PTPRS: variants seen among roughly 807,000 people sequenced by gnomAD.
PTPRS encodes protein tyrosine phosphatase receptor type S, also known as receptor-type tyrosine-protein phosphatase S.
A neutral mutation model predicts 215.3 loss-of-function variants in PTPRS; 63 were observed. The observed-to-expected ratio is 0.29, with a 90% confidence interval of 0.24 to 0.36. The LOEUF is 0.36. PTPRS is among the 10% of genes least tolerant of loss of function. PTPRS has a pLI of 1.00. For synonymous variants in PTPRS, 1,404 were observed against 1,191.4 expected (o/e 1.18, Z -3.68); for missense variants, 2,258 against 2,825.8 (o/e 0.80, Z 4.56).
intron 1 of PTPRS, among the ~76,000 whole-genome samples, chr19:5,335,274 T>C (rs2050458424): frequency 6.6e-6 from 1 of 152,176 alleles, no homozygotes; most frequent in African/African-American, 2.4e-5. Flanking sequence ...GAGGCATGTT[T>C]ACCCACAGCA....
chr19:5,254,510 G>A (rs2045403945), intron 9 of PTPRS, among the ~76,000 whole-genome samples: 1 of 152,102 alleles, frequency 6.6e-6, no homozygotes, highest in Non-Finnish European at 1.5e-5. Context: ...GTGCATCTCT[G>A]AAGATTTGCA....
chr19:5,212,285 TGGGCTGCG>T (rs775756402), intron 31 of PTPRS, 35 bp from the exon 32 acceptor site: 39 of 1,608,460 alleles, frequency 2.4e-5, no homozygotes, highest in Admixed American at 5.0e-5. Flanking sequence ...CAGGGGCTGC[TGGGCTGCG>T]GGGACCGGGG....
chr19:5,219,178 CCT>C, intron 23 of PTPRS, 130 bp downstream of exon 23: 2 of 1,261,538 alleles, frequency 1.6e-6, no homozygotes, highest in South Asian at 1.4e-5. Context: ...AGTGGCTTAA[CCT>C]CTCTGAACTT....
At chr19:5,340,452 C>T (rs913086181) in intron 1 of PTPRS, among the ~76,000 whole-genome samples, 5 of 150,788 alleles carry the variant, frequency 3.3e-5, no homozygotes, top group Admixed American at 6.6e-5. Flanking sequence ...CCGGCCCTGT[C>T]CCTCGGGGCA....
chr19:5,253,920 T>G (rs1387352038), intron 9 of PTPRS, among the ~76,000 whole-genome samples: 1 of 152,204 alleles, frequency 6.6e-6, no homozygotes, highest in Non-Finnish European at 1.5e-5. Context: ...AAGGTTCATT[T>G]ATGATCTCTA....
chr19:5,240,302 T>TCGGCCC lies in PTPRS; in HGVS notation c.1595_1600dup (p.Ala533_Glu534insGlyAla). 6.2e-7 allele frequency: 1 copy of TCGGCCC among 1,604,304 alleles called. No individual in the cohort carries two copies. The highest frequency in any genetic ancestry group is 2.3e-5 in the East Asian group (1 of 44,228). On this transcript the variant is annotated inframe_insertion, in exon 12 of 38. Coordinates refer to ENST00000262963, the MANE Select transcript of PTPRS (RefSeq NM_002850.4). ...CGTGATGCTGGTCTCCGACCTGGCC[T>TCGGCCC]CGGCCCGCAGGTTCATGGGCTGGCC...
At chr19:5,333,503 TCACA>T (rs35443727) in intron 1 of PTPRS, among the ~76,000 whole-genome samples, 2 of 147,722 alleles carry the variant, frequency 1.4e-5, no homozygotes, top group Non-Finnish European at 1.5e-5. Flanking sequence ...GTGAGTCCTG[TCACA>T]CACACACACA....
At chr19:5,260,271 C>T (rs1446559357) in intron 7 of PTPRS, among the ~76,000 whole-genome samples, 2 of 151,594 alleles carry the variant, frequency 1.3e-5, no homozygotes, top group Non-Finnish European at 2.9e-5. Context: ...CCTCTGCCTC[C>T]CAGGTTCAAG....
intron 1 of PTPRS, among the ~76,000 whole-genome samples, chr19:5,335,547 G>C (rs1010435330): frequency 1.3e-5 from 2 of 152,164 alleles, no homozygotes; most frequent in Admixed American, 1.3e-4. Flanking sequence ...GGGAGAAAAA[G>C]GGGAATTTTC....
chr19:5,222,499 G>C (rs940408712), intron 18 of PTPRS, among the ~76,000 whole-genome samples, 190 bp downstream of exon 18: 1 of 151,792 alleles, frequency 6.6e-6, no homozygotes, highest in Non-Finnish European at 1.5e-5. Flanking sequence ...CAGTGGTGGG[G>C]GGCGGTGGTG....
chr19:5,239,202 A>C, intron 12 of PTPRS, 139 bp from the exon 13 acceptor site: 3 of 634,452 alleles, frequency 4.7e-6, no homozygotes, highest in East Asian at 3.1e-5. Flanking sequence ...AGAAATAGAG[A>C]CAGGGGTGCG....
At chr19:5,336,032 G>A (rs975793814) in intron 1 of PTPRS, among the ~76,000 whole-genome samples, 1 of 151,348 alleles carries the variant, frequency 6.6e-6, no homozygotes, top group Admixed American at 6.6e-5. Context: ...AAAAAAAAGA[G>A]AGAGACAAAA....
intron 2 of PTPRS, among the ~76,000 whole-genome samples, chr19:5,284,265 C>A (rs548989215): frequency 2.0e-5 from 3 of 151,836 alleles, no homozygotes; most frequent in Non-Finnish European, 2.9e-5. Flanking sequence ...GAGGCTGAGG[C>A]AGGAGGATCG....
At chr19:5,250,422 G>A (rs1473071046) in intron 9 of PTPRS, among the ~76,000 whole-genome samples, 1 of 152,192 alleles carries the variant, frequency 6.6e-6, no homozygotes, top group African/African-American at 2.4e-5. Context: ...CAAGCTTGAG[G>A]TGCAGGTTAG....
At chr19:5,326,973 A>T (rs1265851199) in intron 1 of PTPRS, among the ~76,000 whole-genome samples, 3 of 152,152 alleles carry the variant, frequency 2.0e-5, no homozygotes, top group Non-Finnish European at 4.4e-5. Context: ...AGACCTAGAG[A>T]GTCACAACTG....
In PTPRS at chr19:5,247,500, G is replaced by A. The variant is rs188340125; in HGVS notation, c.719-1455C>T. 6.6e-3 allele frequency among the ~76,000 whole-genome samples: 1,007 copies of A among 152,268 alleles called. 3 individuals are homozygous for A. The highest frequency in any genetic ancestry group is 0.011 in the Non-Finnish European group (768 of 68,018). On this transcript the variant is annotated intron_variant, in intron 9 of 37. Coordinates refer to ENST00000262963, the MANE Select transcript of PTPRS (RefSeq NM_002850.4). ...GTGAACCTAATAAATCCTTCTAGCA[G>A]GAAAAGGGGTTGTCCCTGGGTGACA...
intron 8 of PTPRS, among the ~76,000 whole-genome samples, chr19:5,256,714 C>T (rs1349694734): frequency 1.3e-5 from 2 of 152,296 alleles, no homozygotes; most frequent in Non-Finnish European, 2.9e-5. Flanking sequence ...AGACGTGCCC[C>T]TACCCACCAC....
chr19:5,330,755 C>T (rs531266244), intron 1 of PTPRS, among the ~76,000 whole-genome samples: 15 of 152,278 alleles, frequency 9.9e-5, no homozygotes, highest in South Asian at 4.1e-4. Flanking sequence ...CGTTCAGACC[C>T]CTAATGCCCT....
intron 30 of PTPRS, 139 bp from the exon 31 acceptor site, chr19:5,212,630 G>C: frequency 1.0e-6 from 1 of 971,436 alleles, no homozygotes; most frequent in Non-Finnish European, 1.5e-6. Flanking sequence ...GATCACCTGA[G>C]GTCAGGAGTT....
Sources: gnomAD v4.1 joint callset for allele counts (sites outside exome capture counted in the v4.1 genomes callset) on GRCh38, gnomAD v4.1.1 for gene constraint, MANE v1.5 for transcripts, NCBI Gene and HGNC (gene_info 2026-07-23, HGNC 2026-07-21) for gene names.